ADGRL4: variants seen among roughly 807,000 people sequenced by gnomAD.
ADGRL4 encodes the protein EGF, latrophilin and seven transmembrane domain containing 1.
ADGRL4 carries 90 observed loss-of-function variants against 74.8 expected under a neutral mutation model. The ratio of observed to expected loss-of-function variants is 1.20; its 90% CI spans 1.02 to 1.43. The LOEUF (loss-of-function observed/expected upper bound fraction) is 1.43. ADGRL4 is among the 40% of genes most tolerant of loss of function. The probability of loss-of-function intolerance (pLI) is 0.00; values close to 1 mark genes in which losing one functional copy is unlikely to be tolerated. For missense variants in ADGRL4, 881 were observed against 814.3 expected (o/e 1.08, Z -1.00); for synonymous variants, 311 against 279.2 (o/e 1.11, Z -1.14).
intron 12 of ADGRL4, among the ~76,000 whole-genome samples, chr1:78,896,496 A>T (rs919175127): frequency 3.3e-5 from 5 of 152,092 alleles, no homozygotes; most frequent in Non-Finnish European, 7.4e-5. Context: ...AAAAAATGTT[A>T]TCTTACTCTT....
chr1:78,995,989 T>G (rs1040230731), intron 2 of ADGRL4, among the ~76,000 whole-genome samples: 3 of 152,042 alleles, frequency 2.0e-5, no homozygotes, highest in Non-Finnish European at 4.4e-5. Context: ...AAAATAGGAG[T>G]CCAATAATTA....
At chr1:78,918,614 A>G (rs1281588005) in intron 10 of ADGRL4, among the ~76,000 whole-genome samples, 2 of 151,950 alleles carry the variant, frequency 1.3e-5, no homozygotes, top group African/African-American at 2.4e-5. Flanking sequence ...ACTTAAACAT[A>G]CTTTTCAGTG....
At chr1:78,906,754 T>C (rs1648650056) in intron 12 of ADGRL4, among the ~76,000 whole-genome samples, 1 of 151,984 alleles carries the variant, frequency 6.6e-6, no homozygotes, top group Admixed American at 6.6e-5. Context: ...GTATAAAAAC[T>C]TTAATATAAA....
At chr1:78,923,493 C>T (rs965248347) in intron 8 of ADGRL4, among the ~76,000 whole-genome samples, 8 of 151,856 alleles carry the variant, frequency 5.3e-5, no homozygotes, top group South Asian at 2.1e-4. Context: ...GAGAGCACAC[C>T]GTGTCTCATT....
intron 2 of ADGRL4, among the ~76,000 whole-genome samples, chr1:78,975,941 C>T (rs991730055): frequency 2.0e-5 from 3 of 151,844 alleles, no homozygotes; most frequent in African/African-American, 7.3e-5. Flanking sequence ...GAAAGGGTGA[C>T]TTTCAAGATA....
chr1:78,889,911 A>G lies in ADGRL4; in HGVS notation c.*1243T>C, dbSNP rs1061728. On this transcript the variant is annotated 3_prime_UTR_variant, in exon 15 of 15. Transcript: ENST00000370742. ...AAAATTACCTATTTTTGAGATCAAA[A>G]TCACTGCTTATACATTTTAATGAGA... 0.76 allele frequency: 331,021 copies of G among 434,544 alleles called. 126,675 individuals are homozygous for G. The highest frequency in any genetic ancestry group is 0.81 in the Admixed American group (29,515 of 36,660). The allele number at this position is 434,544 out of a possible 1,614,324, so 26.9% of individuals were successfully genotyped here.
At chr1:78,969,529 C>T (rs1650127341) in intron 2 of ADGRL4, among the ~76,000 whole-genome samples, 1 of 152,180 alleles carries the variant, frequency 6.6e-6, no homozygotes, top group South Asian at 2.1e-4. Flanking sequence ...AAACCTATGG[C>T]TGGGCTCGGC....
intron 2 of ADGRL4, among the ~76,000 whole-genome samples, chr1:78,972,881 G>C (rs1650199142): frequency 6.6e-6 from 1 of 152,134 alleles, no homozygotes; most frequent in Non-Finnish European, 1.5e-5. Flanking sequence ...TGCACCAAAA[G>C]TGTGGGAAGT....
intron 2 of ADGRL4, among the ~76,000 whole-genome samples, chr1:78,972,016 A>C (rs1003539265): frequency 4.6e-5 from 7 of 152,154 alleles, no homozygotes; most frequent in Non-Finnish European, 8.8e-5. Flanking sequence ...CAGCCTCCCA[A>C]AGTACTGAGA....
intron 8 of ADGRL4, among the ~76,000 whole-genome samples, chr1:78,925,084 G>C (rs1421533298): frequency 1.3e-5 from 2 of 152,026 alleles, no homozygotes; most frequent in Non-Finnish European, 2.9e-5. Flanking sequence ...GAGAGATCCA[G>C]GAAAGATGAG....
chr1:78,959,224 G>A (rs1352098489), intron 2 of ADGRL4, among the ~76,000 whole-genome samples: 2 of 152,130 alleles, frequency 1.3e-5, no homozygotes, highest in Non-Finnish European at 2.9e-5. Flanking sequence ...ATGCCTTTAT[G>A]TAATTCATTG....
chr1:78,901,284 G>A (rs1648512925), intron 12 of ADGRL4, among the ~76,000 whole-genome samples: 1 of 152,090 alleles, frequency 6.6e-6, no homozygotes, highest in Admixed American at 6.6e-5. Flanking sequence ...GAGGACATTG[G>A]CTTCTTAGTG....
chr1:78,985,840 A>T (rs1279022658), intron 2 of ADGRL4, among the ~76,000 whole-genome samples: 1 of 151,870 alleles, frequency 6.6e-6, no homozygotes, highest in Non-Finnish European at 1.5e-5. Context: ...AATACTATGC[A>T]GCCATTAAAA....
chr1:78,944,834 G>A (rs776929153), intron 3 of ADGRL4, among the ~76,000 whole-genome samples: 2 of 152,038 alleles, frequency 1.3e-5, no homozygotes, highest in South Asian at 2.1e-4. Flanking sequence ...TGAAGCGTAG[G>A]TACATGAGAC....
chr1:78,939,460 G>A (rs1649429556), intron 3 of ADGRL4, among the ~76,000 whole-genome samples: 1 of 151,886 alleles, frequency 6.6e-6, no homozygotes, highest in Non-Finnish European at 1.5e-5. Flanking sequence ...AGAAATGTTA[G>A]TTCCATAAAA....
At chr1:78,930,896 T>C in intron 7 of ADGRL4, among the ~76,000 whole-genome samples, 1 of 151,446 alleles carries the variant, frequency 6.6e-6, no homozygotes, top group East Asian at 1.9e-4. Context: ...TTAATTTGCT[T>C]GCTAGTACCA....
At chr1:78,917,054 C>T (rs147587231) in intron 12 of ADGRL4, among the ~76,000 whole-genome samples, 80 of 151,948 alleles carry the variant, frequency 5.3e-4, no homozygotes, top group Non-Finnish European at 7.7e-4. Flanking sequence ...TATGACTTGT[C>T]TGTTCATGAG....
intron 9 of ADGRL4, 75 bp from the exon 10 acceptor site, chr1:78,920,461 A>G (rs1648974574): frequency 2.4e-6 from 2 of 850,860 alleles, no homozygotes; most frequent in East Asian, 2.7e-5. Context: ...CATATAATGA[A>G]CTTCCTTTTT....
chr1:78,927,829 A>T (rs955835737), intron 7 of ADGRL4, among the ~76,000 whole-genome samples: 1 of 152,180 alleles, frequency 6.6e-6, no homozygotes, highest in Admixed American at 6.6e-5. Flanking sequence ...GAAGTTGCCA[A>T]AGTGTATTGC....
Sources: allele counts gnomAD v4.1 joint callset (sites outside exome capture counted in the v4.1 genomes callset), GRCh38; gene constraint gnomAD v4.1.1; transcripts MANE v1.5; gene names NCBI Gene and HGNC (gene_info 2026-07-23, HGNC 2026-07-21).